GNAS: variants seen among roughly 807,000 people sequenced by gnomAD.
GNAS encodes the protein protein ALEX.
In GNAS, 8 loss-of-function variants were observed where a neutral mutation model predicts 54.5. The ratio of observed to expected loss-of-function variants is 0.15; its 90% CI spans 0.09 to 0.26. The LOEUF is 0.26. Ranked by LOEUF, GNAS falls within the 10% of genes least tolerant of loss-of-function variation. The pLI is 1.00. For missense variants in GNAS, 170 were observed against 529.8 expected, an observed-to-expected ratio of 0.32 and a Z score of 6.67; for synonymous variants, 204 against 191.4, an observed-to-expected ratio of 1.07 and a Z score of -0.54.
At chr20:58,855,294 A>G (rs370412896) in intron 1 of GNAS, 45 of 1,583,288 alleles carry the variant, frequency 2.8e-5, no homozygotes, top group African/African-American at 4.0e-5. Context: ...CCAGGACGAA[A>G]AGATGGGCTA....
chr20:58,906,656 C>T (rs1408193852), intron 6 of GNAS, among the ~76,000 whole-genome samples: 4 of 152,100 alleles, frequency 2.6e-5, no homozygotes, highest in Admixed American at 1.3e-4. Context: ...CTCAGCCTCC[C>T]GAGTAGCTGG....
At chr20:58,892,117 C>A in intron 1 of GNAS, 1 of 967,150 alleles carries the variant, frequency 1.0e-6, no homozygotes, top group Non-Finnish European at 1.2e-6. Flanking sequence ...GGCCTGCCCG[C>A]TCAGTGTCTC....
intron 1 of GNAS, among the ~76,000 whole-genome samples, chr20:58,877,228 G>A (rs1359588796): frequency 6.6e-6 from 1 of 151,998 alleles, no homozygotes; most frequent in Non-Finnish European, 1.5e-5. Flanking sequence ...GAGCTGCCAA[G>A]GTACAGAGTG....
upstream of GNAS, chr20:58,889,219 T>TGGCC: frequency 2.0e-6 from 2 of 1,020,008 alleles, no homozygotes; most frequent in Non-Finnish European, 2.5e-6. Context: ...GTCAGGTGGC[T>TGGCC]GGCCGGCGCG....
intron 1 of GNAS, among the ~76,000 whole-genome samples, chr20:58,881,464 A>T (rs2088215664): frequency 6.6e-6 from 1 of 152,136 alleles, no homozygotes; most frequent in Admixed American, 6.5e-5. Context: ...GCTTGGCAAA[A>T]CATAGCCTAG....
chr20:58,877,419 C>T (rs934159519), intron 1 of GNAS, among the ~76,000 whole-genome samples: 2 of 152,148 alleles, frequency 1.3e-5, no homozygotes, highest in East Asian at 1.9e-4. Context: ...CCTTTCCTTC[C>T]GTGAGATTTT....
chr20:58,903,528 C>T lies in GNAS; in HGVS notation c.258-3C>T, dbSNP rs111877858. 6.2e-7 allele frequency: 1 copy of T among 1,612,284 alleles called. No homozygotes were observed. Among genetic ancestry groups the T allele is most frequent in the East Asian group, 2.2e-5 (1 of 44,882 alleles). On this transcript the variant is annotated splice_polypyrimidine_tract_variant and splice_region_variant and intron_variant, in intron 3 of 12. Coordinates refer to ENST00000371085, the MANE Select transcript of GNAS (RefSeq NM_000516.7). ...TTTTCTTTTCTTTTCAATCCCACTGCAGTGAGAAGGCAACCAAAGTGCAGG... is the reference window on the plus strand; with the variant it reads ...TTTTCTTTTCTTTTCAATCCCACTGTAGTGAGAAGGCAACCAAAGTGCAGG...
Position 58,853,251 on chromosome 20 carries a change from G to A in GNAS, c.43+12365G>A. ...ACGGAGCCCCAAACTTATTTTGAGA[G>A]GCCGCCACCGTGTTATGGGCGTGCG... is the stretch of plus-strand genomic sequence containing the variant. On this transcript the variant is annotated intron_variant, in intron 1 of 12. Transcript: ENST00000306090. The surrounding 1 kb of genome is among the most constrained non-coding windows in gnomAD (Gnocchi z 4.4). The A allele has an allele frequency of 6.6e-7, 1 of 1,526,620 alleles. No homozygotes were observed. The highest frequency in any genetic ancestry group is 8.8e-7 in the Non-Finnish European group (1 of 1,131,378). The allele number at this position is 1,526,620 out of a possible 1,614,324, so 94.6% of individuals were successfully genotyped here. A position where few individuals can be genotyped will look rare whatever the true frequency, so the allele number is the denominator to read the frequency against.
At chr20:58,892,227 G>A (rs2089490912) in intron 1 of GNAS, 29 of 968,010 alleles carry the variant, frequency 3.0e-5, no homozygotes, top group Admixed American at 1.9e-4. Context: ...TTGGGGAGGG[G>A]GAGGGGGAGC....
At position 58,841,604 on chromosome 20, in the gene GNAS, G is replaced by GCGCACCTGCCCGCGCGCGC; in HGVS notation, c.43+721_43+739dup. On this transcript the variant is annotated intron_variant, in intron 1 of 12. Transcript: ENST00000306090. This position sits in a 1 kb window ranked among gnomAD's most constrained non-coding sequence, Gnocchi z 5.0. Reference sequence around the variant, plus strand: ...GGACAGAGACCGCCTCAAAGAGCGTGCGCACCTGCCCGCGCGCGCCGGAGC... The same window carrying GCGCACCTGCCCGCGCGCGC: ...GGACAGAGACCGCCTCAAAGAGCGTGCGCACCTGCCCGCGCGCGCCGCACCTGCCCGCGCGCGCCGGAGC... The GCGCACCTGCCCGCGCGCGC allele has an allele frequency of 9.7e-7, 1 of 1,032,370 alleles. No individual in the cohort carries two copies. The highest frequency in any genetic ancestry group is 1.2e-6 in the Non-Finnish European group (1 of 860,872). 64.0% of individuals were successfully genotyped at this position (1,032,370 alleles called of 1,614,324 possible).
chr20:58,882,836 A>G (rs2088329367), intron 1 of GNAS: 1 of 152,158 alleles, frequency 6.6e-6, no homozygotes, highest in Non-Finnish European at 1.5e-5. Flanking sequence ...CTGCAAAACA[A>G]TATCCTCTTG....
intron 1 of GNAS, among the ~76,000 whole-genome samples, chr20:58,860,474 T>C (rs2086727007): frequency 6.6e-6 from 1 of 152,174 alleles, no homozygotes. Flanking sequence ...ATTATAAGTA[T>C]AGCGTTAGAA....
intron 1 of GNAS, among the ~76,000 whole-genome samples, chr20:58,849,835 T>C (rs1466494378): frequency 1.3e-5 from 2 of 152,232 alleles, no homozygotes; most frequent in Non-Finnish European, 1.5e-5. Flanking sequence ...TCCTTTGTTC[T>C]CGATCAGGAT....
chr20:58,849,727 T>A (rs2086079709), intron 1 of GNAS, among the ~76,000 whole-genome samples: 1 of 152,210 alleles, frequency 6.6e-6, no homozygotes, highest in African/African-American at 2.4e-5. Context: ...TCCAGGAGGA[T>A]CCTTTGGGAC....
At chr20:58,840,773 A>C (rs980818308), upstream of GNAS, 8 of 1,609,188 alleles carry the variant, frequency 5.0e-6, no homozygotes, top group Non-Finnish European at 5.9e-6. The surrounding 1 kb of genome is among the most constrained non-coding windows in gnomAD (Gnocchi z 6.0). Flanking sequence ...CAAGCCAAAG[A>C]AGCCCACCCG....
At chr20:58,903,327 T>C (rs2090798730) in intron 3 of GNAS, 2 of 661,774 alleles carry the variant, frequency 3.0e-6, no homozygotes, top group Admixed American at 2.1e-5. Context: ...TCTGCCCCGA[T>C]TGGGCGTGTC....
Position 58,891,460 on chromosome 20 carries a change from G to T in GNAS, c.-267G>T, listed in dbSNP as rs1418240744. ...CTCCTGCTCTGGTCCGCCTCGGCCCGGCGGCGGCCATCAGCCCCCTCGGCC... is the reference window on the plus strand; with the variant it reads ...CTCCTGCTCTGGTCCGCCTCGGCCCTGCGGCGGCCATCAGCCCCCTCGGCC... On this transcript the variant is annotated 5_prime_UTR_variant, in exon 1 of 13. Coordinates refer to ENST00000371085, the MANE Select transcript of GNAS (RefSeq NM_000516.7). 1.0e-5 allele frequency: 8 copies of T among 792,160 alleles called. No homozygotes were observed. The highest frequency in any genetic ancestry group is 1.2e-5 in the Non-Finnish European group (8 of 657,896). The allele number at this position is 792,160 out of a possible 1,614,324, so 49.1% of individuals were successfully genotyped here.
chr20:58,878,850 T>A (rs1051398243), intron 1 of GNAS, among the ~76,000 whole-genome samples: 3 of 150,512 alleles, frequency 2.0e-5, no homozygotes, highest in Non-Finnish European at 4.4e-5. Context: ...GCGTGGCTGC[T>A]TAGTGGTTTT....
In GNAS at chr20:58,909,404, G is replaced by C. The variant is rs2146272155; in HGVS notation, c.640G>C (p.Val214Leu). The C allele has an allele frequency of 6.2e-7, 1 of 1,613,892 alleles. No homozygotes were observed. Among genetic ancestry groups the C allele is most frequent in the Non-Finnish European group, 8.5e-7 (1 of 1,179,780 alleles). Residue 214 changes from valine (V) to leucine (L), a missense_variant, in exon 8 of 13, where the codon GTG becomes CTG. Val to Leu is a conservative substitution (Grantham distance 32). This residue lies in a region of GNAS where 78 missense variants were observed against 251.1 expected (regional missense o/e 0.31). Coordinates refer to ENST00000371085, the MANE Select transcript of GNAS (RefSeq NM_000516.7). This position sits in a 1 kb window ranked among gnomAD's most constrained non-coding sequence, Gnocchi z 7.3. ...TSGIFETKFQVDKVNFHMFDV... is the reference protein window; with the variant it reads ...TSGIFETKFQLDKVNFHMFDV... ...TGGAATCTTTGAGACCAAGTTCCAG[G>C]TGGACAAAGTCAACTTCCAGTAAGC...
Sources: gnomAD v4.1 joint callset for allele counts (sites outside exome capture counted in the v4.1 genomes callset) on GRCh38, gnomAD v4.1.1 for gene constraint, gnomAD v4.1.1 regional missense constraint, Gnocchi (gnomAD v3.1) non-coding constraint, MANE v1.5 for transcripts, NCBI Gene and HGNC (gene_info 2026-07-23, HGNC 2026-07-21) for gene names.